Variants in ATOSA observed in about 807,000 individuals in gnomAD.
ATOSA encodes the protein atos homolog A.
the ATOSA span, chr15:52,610,417 AT>A: frequency 6.4e-7 from 1 of 1,556,540 alleles, no homozygotes; most frequent in African/African-American, 1.4e-5. Flanking sequence ...GTATTATTGG[AT>A]TATAAAGGTT....
the ATOSA span, among the ~76,000 whole-genome samples, chr15:52,665,219 C>A: frequency 1.5e-4 from 23 of 152,122 alleles, no homozygotes; most frequent in Non-Finnish European, 2.9e-4. Context: ...ACAAAATACG[C>A]TGATGTAATG....
At chr15:52,696,479 G>A in the ATOSA span, among the ~76,000 whole-genome samples, 2 of 152,150 alleles carry the variant, frequency 1.3e-5, no homozygotes, top group East Asian at 3.9e-4. Flanking sequence ...CATTACAGAG[G>A]GTCCTAGCTT....
the ATOSA span, among the ~76,000 whole-genome samples, chr15:52,691,256 A>G: frequency 2.0e-4 from 30 of 152,304 alleles, no homozygotes; most frequent in African/African-American, 7.0e-4. Context: ...TCAAATCCCT[A>G]AACACCTGAA....
At chr15:52,587,403 C>T in the ATOSA span, 2 of 517,818 alleles carry the variant, frequency 3.9e-6, no homozygotes, top group Non-Finnish European at 6.8e-6. Context: ...TACTGTTCCT[C>T]CTGGTGATGT....
chr15:52,605,112 G>C, the ATOSA span: 131 of 1,522,308 alleles, frequency 8.6e-5, 1 homozygote, highest in African/African-American at 1.4e-3. Flanking sequence ...CTAAGCATGA[G>C]ATAAGAAAAA....
chr15:52,598,124 AAAACAAACAAAC>A, the ATOSA span, among the ~76,000 whole-genome samples: 43 of 152,218 alleles, frequency 2.8e-4, no homozygotes, highest in African/African-American at 9.6e-4. Context: ...ACTCTGTCTC[AAAACAAACAAAC>A]AAACAAACAA....
the ATOSA span, among the ~76,000 whole-genome samples, chr15:52,660,417 CT>C: frequency 6.6e-6 from 1 of 152,158 alleles, no homozygotes; most frequent in Admixed American, 6.5e-5. Context: ...TACCTTTGGC[CT>C]GGGATGTTCT....
chr15:52,637,123 T>C, the ATOSA span, among the ~76,000 whole-genome samples: 1 of 152,168 alleles, frequency 6.6e-6, no homozygotes, highest in Admixed American at 6.5e-5. Context: ...TAGGACTTCG[T>C]GAATGCTACA....
chr15:52,608,933 T>C, the ATOSA span: 11 of 1,606,854 alleles, frequency 6.8e-6, no homozygotes, highest in Non-Finnish European at 9.3e-6. Flanking sequence ...TTCTCATTTA[T>C]TATTTTTTCC....
the ATOSA span, among the ~76,000 whole-genome samples, chr15:52,685,841 A>G: frequency 6.6e-6 from 1 of 152,112 alleles, no homozygotes; most frequent in East Asian, 1.9e-4. Context: ...TGGAGTAGGT[A>G]GGCCTACAGC....
At chr15:52,637,844 T>C in the ATOSA span, among the ~76,000 whole-genome samples, 52 of 152,312 alleles carry the variant, frequency 3.4e-4, no homozygotes, top group African/African-American at 1.3e-3. Context: ...AGTGACTTCC[T>C]ATAAGATGGA....
chr15:52,587,591 A>T, the ATOSA span: 1 of 154,970 alleles, frequency 6.5e-6, no homozygotes, highest in Non-Finnish European at 1.4e-5. Context: ...GTCTTCGGGC[A>T]TGTAAAAAGT....
chr15:52,694,161 T>G, the ATOSA span, among the ~76,000 whole-genome samples: 3 of 109,508 alleles, frequency 2.7e-5, no homozygotes, highest in Admixed American at 2.0e-4. Flanking sequence ...TATATAGATA[T>G]ATATATATTT....
At chr15:52,650,002 G>A in the ATOSA span, 1 of 152,084 alleles carries the variant, frequency 6.6e-6, no homozygotes, top group African/African-American at 2.4e-5. Flanking sequence ...CTTTCTCTTG[G>A]AGGCTCTATT....
At chr15:52,642,884 C>T in the ATOSA span, among the ~76,000 whole-genome samples, 4 of 152,136 alleles carry the variant, frequency 2.6e-5, no homozygotes, top group Non-Finnish European at 5.9e-5. Context: ...CTCACCATAA[C>T]CACAAACTAC....
chr15:52,584,790 A>T, the ATOSA span: 2 of 1,613,726 alleles, frequency 1.2e-6, no homozygotes, highest in Non-Finnish European at 1.7e-6. Context: ...TGTGTGTCGG[A>T]TGTTCTCTTT....
chr15:52,677,938 C>T, the ATOSA span: 3 of 1,586,130 alleles, frequency 1.9e-6, no homozygotes, highest in Non-Finnish European at 2.6e-6. Flanking sequence ...ATTAGGTTAA[C>T]ACTTCTAAAT....
the ATOSA span, among the ~76,000 whole-genome samples, chr15:52,625,640 A>G: frequency 3.9e-5 from 6 of 152,338 alleles, no homozygotes; most frequent in Admixed American, 3.9e-4. Context: ...CTGCATCTAC[A>G]CAATAAACAC....
chr15:52,685,032 A>C, the ATOSA span, among the ~76,000 whole-genome samples: 8 of 152,376 alleles, frequency 5.3e-5, no homozygotes, highest in South Asian at 1.7e-3. Flanking sequence ...TACTTTAGAT[A>C]TGTTGGGTTT....
Sources: gnomAD v4.1 joint callset for allele counts (sites outside exome capture counted in the v4.1 genomes callset) on GRCh38, gnomAD v4.1.1 for gene constraint, MANE v1.5 for transcripts, NCBI Gene and HGNC (gene_info 2026-07-23, HGNC 2026-07-21) for gene names.